Variants in GARS1 observed in about 807,000 individuals in gnomAD.
GARS1 encodes the protein glycyl-tRNA synthetase 1.
GARS1 carries 46 observed loss-of-function variants against 86.4 expected under a neutral mutation model. The observed-to-expected ratio is 0.53, with a 90% CI of 0.42 to 0.68. The LOEUF (loss-of-function observed/expected upper bound fraction) is 0.68. GARS1 is among the 30% of genes least tolerant of loss of function. The pLI, the probability that GARS1 is intolerant of heterozygous loss-of-function variation, is 0.00. For missense variants in GARS1, 797 were observed against 915.6 expected (o/e 0.87, Z 1.67); for synonymous variants, 342 against 329.8 (o/e 1.04, Z -0.40).
At chr7:30,616,631 G>A (rs1782895635) in intron 9 of GARS1, among the ~76,000 whole-genome samples, 1 of 152,216 alleles carries the variant, frequency 6.6e-6, no homozygotes, top group African/African-American at 2.4e-5. Context: ...CCTCTGCAGT[G>A]TATGGAGATG....
intron 12 of GARS1, among the ~76,000 whole-genome samples, chr7:30,623,175 G>A (rs1290668164): frequency 6.7e-6 from 1 of 149,642 alleles, no homozygotes; most frequent in Non-Finnish European, 1.5e-5. Context: ...ACTGAACAGT[G>A]TAAAACTTAC....
In GARS1 at chr7:30,598,898, G is replaced by A. The variant is rs1791317848; in HGVS notation, c.324+1G>A. 2 of 1,610,954 alleles carry A rather than the reference G, an allele frequency of 1.2e-6. No homozygotes were observed. The highest frequency in any genetic ancestry group is 1.3e-5 in the African/African-American group (1 of 74,878). On this transcript the variant is annotated splice_donor_variant, in intron 2 of 16. Coordinates refer to ENST00000389266, the MANE Select transcript of GARS1 (RefSeq NM_002047.4). LOFTEE classifies it high-confidence loss of function. Reference sequence around the variant, plus strand: ...CCGCAAGAGGGTTCTGGAAGCAAAGGTGAGTCCTGGGATGCTAAAATAGGA... The same window carrying A: ...CCGCAAGAGGGTTCTGGAAGCAAAGATGAGTCCTGGGATGCTAAAATAGGA...
At chr7:30,606,925 C>A (rs940421279) in intron 6 of GARS1, among the ~76,000 whole-genome samples, 7 of 152,130 alleles carry the variant, frequency 4.6e-5, no homozygotes, top group Non-Finnish European at 8.8e-5. Context: ...TCTTAAATCT[C>A]TCTCCTTTAC....
At position 30,616,281 on chromosome 7, in the gene GARS1, A is replaced by C. The variant is rs76417979; in HGVS notation, c.1194+223A>C. Among the ~76,000 whole-genome samples, 8 of 152,298 alleles carry C rather than the reference A, an allele frequency of 5.3e-5. No homozygotes were observed. The East Asian group carries it at 1.5e-3, about 29-fold the overall frequency. ...GGCCTTGGGGCTAGCATGAAAAAAA[A>C]TGTTTAGCAGAGCACTTGGAAAATA... is the stretch of plus-strand genomic sequence containing the variant. On this transcript the variant is annotated intron_variant, in intron 9 of 16. Transcript: ENST00000389266.
At chr7:30,596,725 T>C (rs1791255924) in intron 1 of GARS1, among the ~76,000 whole-genome samples, 1 of 152,266 alleles carries the variant, frequency 6.6e-6, no homozygotes, top group Non-Finnish European at 1.5e-5. Flanking sequence ...TTAGTTTGGA[T>C]ATTTTTTTCT....
At chr7:30,594,867 C>T (rs1584016654), upstream of GARS1, 1 of 1,416,972 alleles carries the variant, frequency 7.1e-7, no homozygotes, top group Non-Finnish European at 9.6e-7. Flanking sequence ...CCGAGCCGGG[C>T]GGCGCGCGCC....
Position 30,615,932 on chromosome 7 carries a change from T to C in GARS1, c.1068T>C (p.Asp356=). Residue 356 remains aspartate, a synonymous_variant, in exon 9 of 17, where the codon GAT becomes GAC. Coordinates refer to ENST00000389266, the MANE Select transcript of GARS1 (RefSeq NM_002047.4). ...TGGCAGAAATTGAGCACTTTGTAGA[T>C]CCCAGTGAGAAAGACCACCCCAAGT... ...FTMAEIEHFV[D]PSEKDHPKFQ... The C allele has an allele frequency of 6.2e-7, 1 of 1,614,194 alleles. No homozygotes were observed. Among genetic ancestry groups the C allele is most frequent in the Non-Finnish European group, 8.5e-7 (1 of 1,180,032 alleles).
In GARS1 at chr7:30,599,972, A is replaced by T; in HGVS notation, c.350A>T (p.Asp117Val). 3.1e-6 allele frequency: 5 copies of T among 1,613,346 alleles called. No homozygotes were observed. Among genetic ancestry groups the T allele is most frequent in the Non-Finnish European group, 4.2e-6 (5 of 1,179,508 alleles). ...AKELALQPKD[D>V]IVDRAKMEDT... ...GAGCTGGCGTTACAGCCCAAAGATG[A>T]TATTGTAGACCGAGCAAAAATGGAA... The change falls in exon 3 of 17, where the codon GAT becomes GTT. Residue 117 changes from aspartate to valine, a missense_variant. Coordinates refer to ENST00000389266, the MANE Select transcript of GARS1 (RefSeq NM_002047.4).
In GARS1 at chr7:30,606,970, A is replaced by G. The variant is rs555900952; in HGVS notation, c.736-2615A>G. 3.0e-4 allele frequency among the ~76,000 whole-genome samples: 46 copies of G among 152,254 alleles called. 1 individual carries two copies. Among genetic ancestry groups the G allele is most frequent in the Non-Finnish European group, 5.7e-4 (39 of 68,046 alleles). On this transcript the variant is annotated intron_variant, in intron 6 of 16. Coordinates refer to ENST00000389266, the MANE Select transcript of GARS1 (RefSeq NM_002047.4). ...AAATCGCAGTTCTCAGCAACAAAAC[A>G]TAATGATTGATGTGCCTTATCTCCC...
intron 15 of GARS1, chr7:30,631,913 C>T (rs751952691): frequency 1.5e-5 from 6 of 396,470 alleles, no homozygotes; most frequent in Non-Finnish European, 2.8e-5. Flanking sequence ...GGCACATCCA[C>T]TTATTTCAGA....
intron 5 of GARS1, 44 bp downstream of exon 5, chr7:30,603,166 A>C: frequency 2.0e-6 from 3 of 1,502,648 alleles, no homozygotes; most frequent in Non-Finnish European, 2.8e-6. Context: ...TCAAAATAAA[A>C]GGTTTAAACT....
chr7:30,613,775 T>C (rs1369551132), intron 8 of GARS1, among the ~76,000 whole-genome samples: 2 of 152,240 alleles, frequency 1.3e-5, no homozygotes, highest in African/African-American at 4.8e-5. Flanking sequence ...CCACTAGTTT[T>C]TTCATGAGTC....
chr7:30,628,188 CTT>C (rs750509307), intron 13 of GARS1, among the ~76,000 whole-genome samples: 7 of 143,554 alleles, frequency 4.9e-5, no homozygotes, highest in Non-Finnish European at 4.6e-5. Flanking sequence ...CTTTTCTTTT[CTT>C]TTTTTTTTTT....
rs1405608157 is a variant in GARS1 at position 30,632,106 on chromosome 7, T to C, written c.1904-141T>C. Reference sequence around the variant, plus strand: ...GGGATTTATTAAACTTTAGGGATATTTCTTTCTCTTGCAACTCAACTTGTT... The same window carrying C: ...GGGATTTATTAAACTTTAGGGATATCTCTTTCTCTTGCAACTCAACTTGTT... On this transcript the variant is annotated intron_variant, in intron 15 of 16. Coordinates refer to ENST00000389266, the MANE Select transcript of GARS1 (RefSeq NM_002047.4). This position sits in a 1 kb window ranked among gnomAD's most constrained non-coding sequence, Gnocchi z 4.1. 1.3e-6 allele frequency: 1 copy of C among 788,830 alleles called. No individual in the cohort carries two copies. The highest frequency in any genetic ancestry group is 2.7e-5 in the East Asian group (1 of 37,376). 48.9% of individuals were successfully genotyped at this position (788,830 alleles called of 1,614,324 possible).
At chr7:30,607,980 A>G (rs1791517094) in intron 6 of GARS1, among the ~76,000 whole-genome samples, 1 of 152,210 alleles carries the variant, frequency 6.6e-6, no homozygotes, top group Non-Finnish European at 1.5e-5. Context: ...ACATAACAAA[A>G]TATTTCAGAG....
chr7:30,599,156 T>G lies in GARS1; in HGVS notation c.324+259T>G, dbSNP rs722423. ...ACTCAATACGCTATATGAATTTCCA[T>G]GGAAAGGATTGTGCTCTTCTTTACG... On this transcript the variant is annotated intron_variant, in intron 2 of 16. Transcript: ENST00000389266. Among the ~76,000 whole-genome samples, 11,807 of 152,250 alleles carry G rather than the reference T, an allele frequency of 0.078. 951 individuals are homozygous for G. The highest frequency in any genetic ancestry group is 0.2 in the African/African-American group (8,338 of 41,518).
Position 30,632,468 on chromosome 7 carries a change from C to T in GARS1, c.2094+31C>T. 1 of 1,603,180 alleles carries T rather than the reference C, an allele frequency of 6.2e-7. No individual in the cohort carries two copies. The highest frequency in any genetic ancestry group is 1.1e-5 in the South Asian group (1 of 90,774). On this transcript the variant is annotated intron_variant, in intron 16 of 16. Coordinates refer to ENST00000389266, the MANE Select transcript of GARS1 (RefSeq NM_002047.4). The surrounding 1 kb of genome is among the most constrained non-coding windows in gnomAD (Gnocchi z 4.1). ...TGGCCTTCTCTTTGGCATTTTTAGCCTTAGAAATGTGTACTGCTTCTTACT... is the reference window on the plus strand; with the variant it reads ...TGGCCTTCTCTTTGGCATTTTTAGCTTTAGAAATGTGTACTGCTTCTTACT...
At chr7:30,596,448 A>T (rs1475523382) in intron 1 of GARS1, among the ~76,000 whole-genome samples, 1 of 152,070 alleles carries the variant, frequency 6.6e-6, no homozygotes, top group Non-Finnish European at 1.5e-5. Context: ...TTTAAAAAAT[A>T]TCCTTCCCTT....
chr7:30,628,191 T>C (rs551826791), intron 13 of GARS1, among the ~76,000 whole-genome samples: 1 of 151,590 alleles, frequency 6.6e-6, no homozygotes, highest in East Asian at 1.9e-4. Flanking sequence ...TTCTTTTCTT[T>C]TTTTTTTTTT....
Sources: allele counts gnomAD v4.1 joint callset (sites outside exome capture counted in the v4.1 genomes callset), GRCh38; gene constraint gnomAD v4.1.1; non-coding constraint Gnocchi (gnomAD v3.1); transcripts MANE v1.5; gene names NCBI Gene and HGNC (gene_info 2026-07-23, HGNC 2026-07-21).